Variants in PLA2G6 observed in about 807,000 individuals in gnomAD.
PLA2G6 encodes phospholipase A2 group VI.
In PLA2G6, 62 loss-of-function variants were observed where a neutral mutation model predicts 83.8. The ratio of observed to expected loss-of-function variants is 0.74; its 90% confidence interval spans 0.60 to 0.91. The LOEUF (loss-of-function observed/expected upper bound fraction) is 0.91, where lower values mean the gene tolerates loss of function less well. Ranked by LOEUF, PLA2G6 falls within the 40% of genes least tolerant of loss-of-function variation. PLA2G6 has a pLI of 0.00. For synonymous variants in PLA2G6, 417 were observed against 449.8 expected (o/e 0.93, Z 0.92); for missense variants, 944 against 1,102.0 (o/e 0.86, Z 2.03).
chr22:38,111,996 C>T lies in PLA2G6; in HGVS notation c.*165G>A. Reference sequence around the variant, plus strand: ...GAAGGCGGGGTTAGTGGGAGACAGGCCTTCAGGACCAGCCTCGGGCAGGCA... The same window carrying T: ...GAAGGCGGGGTTAGTGGGAGACAGGTCTTCAGGACCAGCCTCGGGCAGGCA... On this transcript the variant is annotated 3_prime_UTR_variant, in exon 17 of 17. Coordinates refer to ENST00000332509, the MANE Select transcript of PLA2G6 (RefSeq NM_003560.4). 1 of 753,332 alleles carries T rather than the reference C, an allele frequency of 1.3e-6. No homozygotes were observed. The highest frequency in any genetic ancestry group is 2.2e-6 in the Non-Finnish European group (1 of 447,834). 46.7% of individuals were successfully genotyped at this position (753,332 alleles called of 1,614,324 possible).
At position 38,111,530 on chromosome 22, in the gene PLA2G6, C is replaced by T. The variant is rs2086871652; in HGVS notation, c.*631G>A. The T allele has an allele frequency of 6.1e-6, 1 of 163,460 alleles. No individual in the cohort carries two copies. The highest frequency in any genetic ancestry group is 2.4e-5 in the African/African-American group (1 of 41,564). The allele number at this position is 163,460 out of a possible 1,614,324, so 10.1% of individuals were successfully genotyped here. A position where few individuals can be genotyped will look rare whatever the true frequency, so the allele number is the denominator to read the frequency against. ...TCCAAATGATTTATTTCAGTTTTGG[C>T]TCTTAAGCCACTTCCATTGGGAAGA... is the stretch of plus-strand genomic sequence containing the variant. On this transcript the variant is annotated 3_prime_UTR_variant, in exon 17 of 17. Coordinates refer to ENST00000332509, the MANE Select transcript of PLA2G6 (RefSeq NM_003560.4).
Position 38,111,984 on chromosome 22 carries a change from G to A in PLA2G6, c.*177C>T. On this transcript the variant is annotated 3_prime_UTR_variant, in exon 17 of 17. Coordinates refer to ENST00000332509, the MANE Select transcript of PLA2G6 (RefSeq NM_003560.4). Reference sequence around the variant, plus strand: ...CAGAAAGTGCTGGAAGGCGGGGTTAGTGGGAGACAGGCCTTCAGGACCAGC... The same window carrying A: ...CAGAAAGTGCTGGAAGGCGGGGTTAATGGGAGACAGGCCTTCAGGACCAGC... 1 of 694,394 alleles carries A rather than the reference G, an allele frequency of 1.4e-6. No homozygotes were observed. The highest frequency in any genetic ancestry group is 2.5e-6 in the Non-Finnish European group (1 of 399,874). The allele number at this position is 694,394 out of a possible 1,614,324, so 43.0% of individuals were successfully genotyped here. A position where few individuals can be genotyped will look rare whatever the true frequency, so the allele number is the denominator to read the frequency against.
chr22:38,169,393 T>C lies in PLA2G6; in HGVS notation c.34A>G (p.Ser12Gly). 1 of 1,614,188 alleles carries C rather than the reference T, an allele frequency of 6.2e-7. No individual in the cohort carries two copies. The highest frequency in any genetic ancestry group is 8.5e-7 in the Non-Finnish European group (1 of 1,180,030). ...QFFGRLVNTF[S>G]GVTNLFSNPF... ...TTAGAGAACAAGTTGGTGACGCCAC[T>C]GAAGGTATTGACCAGGCGGCCAAAG... Residue 12 changes from serine (S) to glycine (G), a missense_variant, in exon 2 of 17, where the codon AGT becomes GGT. Coordinates refer to ENST00000332509, the MANE Select transcript of PLA2G6 (RefSeq NM_003560.4).
At chr22:38,160,559 T>C (rs1288515987) in intron 2 of PLA2G6, among the ~76,000 whole-genome samples, 1 of 152,170 alleles carries the variant, frequency 6.6e-6, no homozygotes, top group Non-Finnish European at 1.5e-5. Context: ...GAAAAGCCTT[T>C]ATCTTGGCCG....
At position 38,143,760 on chromosome 22, in the gene PLA2G6, T is replaced by G. The variant is rs531261375; in HGVS notation, c.426-472A>C. The G allele has an allele frequency of 8.1e-5, 24 of 297,962 alleles. No individual in the cohort carries two copies. In the East Asian group the frequency reaches 1.9e-3, roughly 24 times the overall value. 18.5% of individuals were successfully genotyped at this position (297,962 alleles called of 1,614,324 possible). On this transcript the variant is annotated intron_variant, in intron 3 of 16. Transcript: ENST00000332509. ...GGGTTTTTGTTTTGTTTTGTTTTTT[T>G]GAGGTGGAGTTTCACTCTTGTTGCC... is the stretch of plus-strand genomic sequence containing the variant.
chr22:38,126,305 G>C (rs553492349), intron 10 of PLA2G6, 66 bp downstream of exon 10: 1 of 1,223,010 alleles, frequency 8.2e-7, no homozygotes, highest in Admixed American at 1.7e-5. Flanking sequence ...GCCCACAACA[G>C]GGGGTGGGTG....
rs4821740 is a variant in PLA2G6 at position 38,118,416 on chromosome 22, C to T, written c.1743-2205G>A. On this transcript the variant is annotated intron_variant, in intron 12 of 16. Coordinates refer to ENST00000332509, the MANE Select transcript of PLA2G6 (RefSeq NM_003560.4). ...CACTTGGCATGAATGACTCCATATT[C>T]GTTTCTTCTGTTGGGCCTGGTACAG... 2.0e-5 allele frequency among the ~76,000 whole-genome samples: 3 copies of T among 151,988 alleles called. No individual in the cohort carries two copies. The East Asian group carries it at 5.8e-4, about 29-fold the overall frequency.
At chr22:38,165,849 C>T (rs1460346176) in intron 2 of PLA2G6, among the ~76,000 whole-genome samples, 1 of 152,124 alleles carries the variant, frequency 6.6e-6, no homozygotes, top group African/African-American at 2.4e-5. Flanking sequence ...CACTGCACTC[C>T]AGCCTGAGCG....
At chr22:38,159,074 C>T (rs2089907514) in intron 2 of PLA2G6, among the ~76,000 whole-genome samples, 1 of 152,082 alleles carries the variant, frequency 6.6e-6, no homozygotes, top group East Asian at 1.9e-4. Context: ...TGGTGGGCGC[C>T]TGTAATCCCA....
At chr22:38,142,499 G>C (rs939540015) in intron 4 of PLA2G6, 1 of 159,152 alleles carries the variant, frequency 6.3e-6, no homozygotes, top group East Asian at 1.8e-4. Context: ...TGGTTTGCTT[G>C]GTTTGAATTC....
intron 9 of PLA2G6, chr22:38,126,852 A>G (rs2087892548): frequency 2.7e-6 from 1 of 371,230 alleles, no homozygotes; most frequent in Non-Finnish European, 4.8e-6. Context: ...CTTATTCCCT[A>G]TTGACAGGTG....
At chr22:38,118,271 C>G (rs2145698753) in intron 12 of PLA2G6, among the ~76,000 whole-genome samples, 1 of 152,226 alleles carries the variant, frequency 6.6e-6, no homozygotes, top group Non-Finnish European at 1.5e-5. Context: ...AGGTGTGGAG[C>G]TTAATTGGTT....
chr22:38,174,103 C>G (rs2090537461), intron 1 of PLA2G6, among the ~76,000 whole-genome samples: 1 of 151,790 alleles, frequency 6.6e-6, no homozygotes, highest in African/African-American at 2.4e-5. Context: ...CACCAAAAAA[C>G]AAAAACAAAC....
intron 2 of PLA2G6, chr22:38,147,910 AG>A (rs1473393192): frequency 6.5e-6 from 1 of 154,588 alleles, no homozygotes; most frequent in Admixed American, 6.3e-5. Flanking sequence ...ACATAGAATA[AG>A]GAAGTACATT....
chr22:38,133,116 C>T (rs1461814988), intron 6 of PLA2G6, 103 bp from the exon 7 acceptor site: 1 of 1,141,896 alleles, frequency 8.8e-7, no homozygotes, highest in Non-Finnish European at 1.3e-6. Context: ...CCTACAGGTA[C>T]TGGGATGTTG....
chr22:38,126,329 C>A (rs575860043), intron 10 of PLA2G6, 42 bp downstream of exon 10: 1 of 1,460,968 alleles, frequency 6.8e-7, no homozygotes, highest in Non-Finnish European at 9.6e-7. Flanking sequence ...GGCAGGAAAG[C>A]GCACACGTTC....
intron 2 of PLA2G6, among the ~76,000 whole-genome samples, chr22:38,156,515 G>A (rs907172154): frequency 4.0e-5 from 6 of 151,838 alleles, no homozygotes; most frequent in Admixed American, 6.6e-5. Context: ...GTGCAGCGGC[G>A]CGATCTCGGC....
intron 1 of PLA2G6, among the ~76,000 whole-genome samples, chr22:38,176,854 G>A (rs1192136719): frequency 1.3e-5 from 2 of 151,934 alleles, no homozygotes; most frequent in Admixed American, 6.6e-5. Flanking sequence ...CCTGGCCAAC[G>A]TGTGAGAAAA....
In PLA2G6 at chr22:38,112,612, ACACCCCGCCCGGCCCG is replaced by A. The variant is rs938054432; in HGVS notation, c.2203-51_2203-36del. Reference sequence around the variant, plus strand: ...AGCAGCCTTGGTGAGTGCCGGGCCCACACCCCGCCCGGCCCGCACCCCGCCCGGCCCTGCCCTGCAC... The same window carrying A: ...AGCAGCCTTGGTGAGTGCCGGGCCCACACCCCGCCCGGCCCTGCCCTGCAC... On this transcript the variant is annotated intron_variant, in intron 15 of 16. Transcript: ENST00000332509. 5.5e-5 allele frequency: 83 copies of A among 1,517,922 alleles called. 1 individual carries two copies. The highest frequency in any genetic ancestry group is 3.8e-4 in the Middle Eastern group (2 of 5,320). 94.0% of individuals were successfully genotyped at this position (1,517,922 alleles called of 1,614,324 possible).
Sources: allele counts gnomAD v4.1 joint callset (sites outside exome capture counted in the v4.1 genomes callset), GRCh38; gene constraint gnomAD v4.1.1; transcripts MANE v1.5; gene names NCBI Gene and HGNC (gene_info 2026-07-23, HGNC 2026-07-21).